The following POLR2C variants were observed in gnomAD, a reference collection of about 807,000 sequenced individuals.
The protein encoded by POLR2C is RNA polymerase II subunit C, also known as DNA-directed RNA polymerase II subunit RPB3.
Under a neutral mutation model 41.7 loss-of-function variants are expected in POLR2C, and 36 were observed. The observed-to-expected ratio is 0.86, with a 90% CI of 0.66 to 1.14. The LOEUF (loss-of-function observed/expected upper bound fraction) is 1.14. Ranked by LOEUF, POLR2C falls within the 50% of genes most tolerant of loss-of-function variation. The probability of loss-of-function intolerance (pLI) is 0.00; values close to 1 mark genes in which losing one functional copy is unlikely to be tolerated. For synonymous variants in POLR2C, 133 were observed against 137.8 expected, an observed-to-expected ratio of 0.96 and a Z score of 0.25; for missense variants, 260 against 350.4, an observed-to-expected ratio of 0.74 and a Z score of 2.06.
intron 4 of POLR2C, among the ~76,000 whole-genome samples, chr16:57,468,005 T>A (rs1475192704): frequency 1.3e-5 from 2 of 152,096 alleles, no homozygotes; most frequent in African/African-American, 4.8e-5. Flanking sequence ...TCCCATTTCA[T>A]ATTTCTTTAT....
At position 57,462,754 on chromosome 16, in the gene POLR2C, G is replaced by T. The variant is rs1350911687; in HGVS notation, c.30G>T (p.Arg10=). The part of the protein sequence containing the change: MPYANQPTV[R]ITELTDENVK... ...CGTACGCCAACCAGCCTACCGTGCGGATCACGGAGCTCACTGACGAGAATG... is the reference window on the plus strand; with the variant it reads ...CGTACGCCAACCAGCCTACCGTGCGTATCACGGAGCTCACTGACGAGAATG... The change falls in exon 1 of 9, where the codon CGG becomes CGT. Residue 10 remains arginine (R), a synonymous_variant. Transcript: ENST00000219252. The T allele has an allele frequency of 5.0e-6, 8 of 1,607,726 alleles. No individual in the cohort carries two copies. Among genetic ancestry groups the T allele is most frequent in the Non-Finnish European group, 5.1e-6 (6 of 1,177,080 alleles).
intron 2 of POLR2C, 47 bp downstream of exon 2, chr16:57,463,125 C>A: frequency 1.4e-6 from 2 of 1,423,884 alleles, no homozygotes; most frequent in Non-Finnish European, 9.9e-7. Flanking sequence ...GTTCCTGCCC[C>A]GCTCTCCACC....
chr16:57,463,449 G>A (rs1326354266), intron 2 of POLR2C: 2 of 388,816 alleles, frequency 5.1e-6, no homozygotes, highest in Non-Finnish European at 9.8e-6. Context: ...GGTATAGTGC[G>A]TGATGCTGAG....
rs377173398 is a variant in POLR2C, at chr16:57,462,704, G to C, written c.-21G>C. ...GCAGTCACCGCGGAGCAGACGCGGA[G>C]GCTGGTGGCCCCTGGGCGAGATGCC... On this transcript the variant is annotated 5_prime_UTR_variant, in exon 1 of 9. Transcript: ENST00000219252. The C allele has an allele frequency of 1.6e-4, 244 of 1,572,628 alleles. No homozygotes were observed. Among genetic ancestry groups the C allele is most frequent in the Non-Finnish European group, 2.0e-4 (236 of 1,157,130 alleles).
chr16:57,463,312 A>G (rs2030626941), intron 2 of POLR2C: 1 of 604,746 alleles, frequency 1.7e-6, no homozygotes, highest in Non-Finnish European at 3.0e-6. Context: ...GCTGAGAAGC[A>G]TGGGTTTAGC....
intron 2 of POLR2C, 72 bp downstream of exon 2, chr16:57,463,150 G>T: frequency 1.6e-6 from 2 of 1,213,476 alleles, no homozygotes; most frequent in Non-Finnish European, 2.5e-6. Context: ...CACTCTTTGG[G>T]GCTCCTTCCA....
In POLR2C at chr16:57,469,239, G is replaced by C; in HGVS notation, c.333G>C (p.Gln111His). 2 of 1,614,220 alleles carry C rather than the reference G, an allele frequency of 1.2e-6. No homozygotes were observed. Among genetic ancestry groups the C allele is most frequent in the Non-Finnish European group, 1.7e-6 (2 of 1,180,036 alleles). The change falls in exon 5 of 9, where the codon CAG becomes CAC. Residue 111 changes from glutamine (Q) to histidine (H), a missense_variant. Physicochemically the swap from Gln to His is conservative, Grantham distance 24. Coordinates refer to ENST00000219252, the MANE Select transcript of POLR2C (RefSeq NM_032940.3). This position sits in a 1 kb window ranked among gnomAD's most constrained non-coding sequence, Gnocchi z 5.8. The part of the protein sequence containing the change: ...FTLDVRCNED[Q>H]TRHVTSRDLI... Reference sequence around the variant, plus strand: ...TCGATGTGCGGTGCAATGAAGACCAGACGCGACATGTCACGTCTCGAGACC... The same window carrying C: ...TCGATGTGCGGTGCAATGAAGACCACACGCGACATGTCACGTCTCGAGACC...
Position 57,465,758 on chromosome 16 carries a change from T to G in POLR2C, c.137-195T>G, listed in dbSNP as rs2030690476. On this transcript the variant is annotated intron_variant, in intron 2 of 8. Coordinates refer to ENST00000219252, the MANE Select transcript of POLR2C (RefSeq NM_032940.3). ...GGGAGCCCCCTGCATTAAATTCACC[T>G]GGGCAGGGAGGTGAGGTGTGGTGTG... 7.3e-6 allele frequency: 4 copies of G among 544,540 alleles called. No homozygotes were observed. In the East Asian group the frequency reaches 1.2e-4, roughly 17 times the overall value. The allele number at this position is 544,540 out of a possible 1,614,324, so 33.7% of individuals were successfully genotyped here.
intron 2 of POLR2C, among the ~76,000 whole-genome samples, chr16:57,465,231 G>A (rs1007808254): frequency 2.0e-5 from 3 of 152,164 alleles, no homozygotes; most frequent in Non-Finnish European, 2.9e-5. Context: ...TGGAGGCCTG[G>A]CAGGGGGAGG....
rs562880394 is a variant in POLR2C, at chr16:57,471,408, C to G, written c.*289C>G. The G allele has an allele frequency of 2.7e-6, 1 of 366,466 alleles. No homozygotes were observed. The highest frequency in any genetic ancestry group is 5.0e-6 in the Non-Finnish European group (1 of 199,174). 22.7% of individuals were successfully genotyped at this position (366,466 alleles called of 1,614,324 possible). On this transcript the variant is annotated 3_prime_UTR_variant, in exon 9 of 9. Transcript: ENST00000219252. ...GTGTTTCCAGTGCACCTGTAGGGAA[C>G]CAACTAGACTTCTCTCCTGGTTAGT...
In POLR2C at chr16:57,469,543, C is replaced by CA. The variant is rs1567584210; in HGVS notation, c.388-166dup. 2.7e-6 allele frequency: 2 copies of CA among 749,648 alleles called. No individual in the cohort carries two copies. The highest frequency in any genetic ancestry group is 4.7e-6 in the Non-Finnish European group (2 of 425,620). 46.4% of individuals were successfully genotyped at this position (749,648 alleles called of 1,614,324 possible). A position where few individuals can be genotyped will look rare whatever the true frequency, so the allele number is the denominator to read the frequency against. On this transcript the variant is annotated intron_variant, in intron 5 of 8. Transcript: ENST00000219252. This position sits in a 1 kb window ranked among gnomAD's most constrained non-coding sequence, Gnocchi z 5.8. ...GAATTGTTTTGCCTGAGGCTACCAC[C>CA]ACACCCTGAAGTGGGGGTTGGAGTC...
rs2146596692 is a variant in POLR2C, at chr16:57,462,764, C to T, written c.40C>T (p.Leu14Phe). The change falls in exon 1 of 9, where the codon CTC becomes TTC. Residue 14 changes from leucine to phenylalanine, a missense_variant. Leu to Phe is a conservative substitution (Grantham distance 22). Transcript: ENST00000219252. The stretch of plus-strand genomic sequence containing the variant: ...CCAGCCTACCGTGCGGATCACGGAG[C>T]TCACTGACGAGAATGTCAAGTTCAT... ...ANQPTVRITE[L>F]TDENVKFIIE... is the part of the protein sequence containing the mutation. 1 of 1,609,104 alleles carries T rather than the reference C, an allele frequency of 6.2e-7. No individual in the cohort carries two copies. Among genetic ancestry groups the T allele is most frequent in the Non-Finnish European group, 8.5e-7 (1 of 1,177,688 alleles).
At position 57,466,373 on chromosome 16, in the gene POLR2C, G is replaced by A. The variant is rs544684129; in HGVS notation, c.258+146G>A. The A allele has an allele frequency of 1.3e-5, 9 of 675,692 alleles. No individual in the cohort carries two copies. The African/African-American group carries it at 1.5e-4, about 11-fold the overall frequency. The allele number at this position is 675,692 out of a possible 1,614,324, so 41.9% of individuals were successfully genotyped here. A position where few individuals can be genotyped will look rare whatever the true frequency, so the allele number is the denominator to read the frequency against. On this transcript the variant is annotated intron_variant, in intron 4 of 8. Coordinates refer to ENST00000219252, the MANE Select transcript of POLR2C (RefSeq NM_032940.3). ...GAGATGTTGTCTAGAGCCTGGGCAG[G>A]CCTTGGTCCTGCGTTCTGATGGGGC...
intron 2 of POLR2C, among the ~76,000 whole-genome samples, chr16:57,464,283 G>A (rs1261124025): frequency 6.6e-6 from 1 of 152,220 alleles, no homozygotes; most frequent in Non-Finnish European, 1.5e-5. Flanking sequence ...GGAATGCAAA[G>A]CTGTAGAGAA....
chr16:57,469,515 A>G lies in POLR2C; in HGVS notation c.388-195A>G, dbSNP rs1317885568. On this transcript the variant is annotated intron_variant, in intron 5 of 8. Coordinates refer to ENST00000219252, the MANE Select transcript of POLR2C (RefSeq NM_032940.3). This position sits in a 1 kb window ranked among gnomAD's most constrained non-coding sequence, Gnocchi z 5.8. ...TCACCCAGGGACTCTTTTAAAGGCCATGGAATTGTTTTGCCTGAGGCTACC... is the reference window on the plus strand; with the variant it reads ...TCACCCAGGGACTCTTTTAAAGGCCGTGGAATTGTTTTGCCTGAGGCTACC... The G allele has an allele frequency of 2.7e-6, 2 of 728,952 alleles. No individual in the cohort carries two copies. The highest frequency in any genetic ancestry group is 4.8e-6 in the Non-Finnish European group (2 of 416,708). 45.2% of individuals were successfully genotyped at this position (728,952 alleles called of 1,614,324 possible).
chr16:57,464,997 TGA>T (rs201946058), intron 2 of POLR2C, among the ~76,000 whole-genome samples: 2,002 of 152,108 alleles, frequency 0.013, 22 homozygotes, highest in Non-Finnish European at 0.02. Context: ...CAGAGTTTTG[TGA>T]GAGAGGAGTT....
intron 4 of POLR2C, 86 bp downstream of exon 4, chr16:57,466,313 C>A: frequency 1.2e-6 from 1 of 856,418 alleles, no homozygotes; most frequent in Non-Finnish European, 1.9e-6. Context: ...TGGCATCCAG[C>A]TTGAATACTG....
chr16:57,467,504 A>G (rs1194364501), intron 4 of POLR2C, among the ~76,000 whole-genome samples: 3 of 152,218 alleles, frequency 2.0e-5, no homozygotes, highest in Non-Finnish European at 4.4e-5. Context: ...TTTATTGCAC[A>G]AAGATGGCAT....
chr16:57,463,417 A>G (rs375921619), intron 2 of POLR2C: 168 of 431,952 alleles, frequency 3.9e-4, no homozygotes, highest in African/African-American at 2.9e-3. Context: ...CAAGGGGTAC[A>G]TTGGTGCAGG....
Sources: gnomAD v4.1 joint callset for allele counts (sites outside exome capture counted in the v4.1 genomes callset) on GRCh38, gnomAD v4.1.1 for gene constraint, Gnocchi (gnomAD v3.1) non-coding constraint, MANE v1.5 for transcripts, NCBI Gene and HGNC (gene_info 2026-07-23, HGNC 2026-07-21) for gene names.